GRIA3: variants seen among roughly 807,000 people sequenced by gnomAD.
GRIA3 encodes glutamate receptor 3.
A neutral mutation model predicts 63.0 loss-of-function variants in GRIA3; 3 were observed. The observed-to-expected ratio is 0.05, with a 90% CI of 0.02 to 0.12. The LOEUF is 0.12. Among genes scored for constraint, GRIA3 ranks in the 10% least tolerant of loss-of-function variants. GRIA3 has a pLI of 1.00. For missense variants in GRIA3, 347 were observed against 700.9 expected (o/e 0.50, Z 5.70); for synonymous variants, 274 against 257.9 (o/e 1.06, Z -0.60).
chrX:123,188,699 T>C (rs1057076408), intron 2 of GRIA3, among the ~76,000 whole-genome samples: 2 of 111,880 alleles, frequency 1.8e-5, no homozygotes, highest in African/African-American at 6.5e-5. Flanking sequence ...CTTTCCCTTA[T>C]TCCTATGCAA....
chrX:123,204,556 C>T (rs1418713309), intron 2 of GRIA3: 1 of 1,158,635 alleles, frequency 8.6e-7, no homozygotes. Context: ...TGAACCCAAA[C>T]CCATTTTAGA....
At chrX:123,190,228 C>T (rs1927392238) in intron 2 of GRIA3, among the ~76,000 whole-genome samples, 1 of 110,042 alleles carries the variant, frequency 9.1e-6, no homozygotes, top group African/African-American at 3.3e-5. Context: ...GCTCTGGTTC[C>T]ACTCCCTCCC....
chrX:123,285,576 G>GAAAAA (rs2044613060), intron 3 of GRIA3, among the ~76,000 whole-genome samples: 1 of 7,653 alleles, frequency 1.3e-4, no homozygotes, highest in Non-Finnish European at 2.5e-4. Flanking sequence ...CAAATGAAAA[G>GAAAAA]CAAAAAAAAA....
At chrX:123,322,476 T>G (rs762440623) in intron 3 of GRIA3, among the ~76,000 whole-genome samples, 1 of 111,819 alleles carries the variant, frequency 8.9e-6, no homozygotes, top group East Asian at 2.8e-4. Context: ...AGCAGGCTTA[T>G]TTTTACAAAG....
chrX:123,342,710 G>T (rs1186240507), intron 4 of GRIA3, among the ~76,000 whole-genome samples: 1 of 111,705 alleles, frequency 9.0e-6, no homozygotes, highest in Non-Finnish European at 1.9e-5. Context: ...TGCTGATAGG[G>T]AATCGAAAAT....
At chrX:123,445,799 A>C (rs963353066) in intron 12 of GRIA3, among the ~76,000 whole-genome samples, 2 of 112,451 alleles carry the variant, frequency 1.8e-5, no homozygotes, top group Admixed American at 9.4e-5. Flanking sequence ...CAGATCATTA[A>C]CTACTTGTCA....
intron 2 of GRIA3, among the ~76,000 whole-genome samples, chrX:123,224,136 T>C (rs1054424311): frequency 8.9e-6 from 1 of 112,025 alleles, no homozygotes; most frequent in Non-Finnish European, 1.9e-5. Flanking sequence ...TTTCCTTCTC[T>C]GACTTCTGTG....
At chrX:123,433,287 T>C (rs1228986690) in intron 12 of GRIA3, among the ~76,000 whole-genome samples, 1 of 111,803 alleles carries the variant, frequency 8.9e-6, no homozygotes, top group Non-Finnish European at 1.9e-5. Context: ...TGAAGCACCA[T>C]AATGTTAATG....
chrX:123,355,672 G>A (rs946450115), intron 5 of GRIA3, among the ~76,000 whole-genome samples: 2 of 111,399 alleles, frequency 1.8e-5, no homozygotes, highest in African/African-American at 3.3e-5. Flanking sequence ...TTAAATTATC[G>A]CTATAATACT....
intron 10 of GRIA3, among the ~76,000 whole-genome samples, chrX:123,407,292 T>C (rs1206111033): frequency 2.7e-5 from 3 of 111,604 alleles, no homozygotes; most frequent in East Asian, 2.8e-4. Flanking sequence ...TCTTTCTACA[T>C]GTGAGAAAAT....
At chrX:123,238,119 G>A (rs140339270) in intron 2 of GRIA3, among the ~76,000 whole-genome samples, 1 of 111,803 alleles carries the variant, frequency 8.9e-6, no homozygotes, top group East Asian at 2.8e-4. Context: ...ACAACTGAAC[G>A]GTTTTACAGC....
rs192373195 is a variant in GRIA3, at chrX:123,432,695, C to T, written c.2076+4556C>T. Among the ~76,000 whole-genome samples the T allele has an allele frequency of 4.6e-4, 51 of 112,045 alleles. 1 individual carries two copies. In the East Asian group the frequency reaches 0.014, roughly 30 times the overall value. The stretch of plus-strand genomic sequence containing the variant: ...ATGTTTCAGAGTTTCAGAACAGTAC[C>T]GTTGAAGATACTAGTCACACTGAAG... On this transcript the variant is annotated intron_variant, in intron 12 of 15. Coordinates refer to ENST00000620443, the MANE Select transcript of GRIA3 (RefSeq NM_007325.5).
At chrX:123,299,944 G>T (rs1258330293) in intron 3 of GRIA3, among the ~76,000 whole-genome samples, 2 of 111,248 alleles carry the variant, frequency 1.8e-5, no homozygotes, top group East Asian at 5.6e-4. Flanking sequence ...ATAAACAGAT[G>T]TTGAATTTTA....
chrX:123,266,570 T>G (rs1057315236), intron 3 of GRIA3, among the ~76,000 whole-genome samples: 11 of 111,047 alleles, frequency 9.9e-5, no homozygotes, highest in Admixed American at 2.9e-4. Flanking sequence ...TCCCTGATGT[T>G]ACCCCCTCCA....
At chrX:123,290,433 C>G (rs1249048411) in intron 3 of GRIA3, among the ~76,000 whole-genome samples, 1 of 111,224 alleles carries the variant, frequency 9.0e-6, no homozygotes, top group African/African-American at 3.3e-5. Context: ...TAATGAAGGT[C>G]AGAAAACACT....
Position 123,428,112 on chromosome X carries a change from C to T in GRIA3, c.2049C>T (p.Asp683=), listed in dbSNP as rs754882028. The change falls in exon 12 of 16, where the codon GAC becomes GAT. Residue 683 remains aspartate, a synonymous_variant. Transcript: ENST00000620443. ...KQTEIAYGTL[D]SGSTKEFFRR... ...CTGAAATTGCATATGGGACCCTGGACTCCGGTTCAACAAAAGAATTTTTCA... is the reference window on the plus strand; with the variant it reads ...CTGAAATTGCATATGGGACCCTGGATTCCGGTTCAACAAAAGAATTTTTCA... 2.5e-6 allele frequency: 3 copies of T among 1,200,508 alleles called. No homozygotes were observed. Among genetic ancestry groups the T allele is most frequent in the Non-Finnish European group, 3.4e-6 (3 of 885,664 alleles).
intron 3 of GRIA3, among the ~76,000 whole-genome samples, chrX:123,289,228 A>ATTGTTC (rs2044640759): frequency 9.1e-6 from 1 of 110,124 alleles, no homozygotes; most frequent in African/African-American, 3.3e-5. Flanking sequence ...ATGAGAACAC[A>ATTGTTC]TGGACACAGA....
chrX:123,241,670 G>A (rs1482853735), intron 2 of GRIA3, among the ~76,000 whole-genome samples: 2 of 110,137 alleles, frequency 1.8e-5, no homozygotes, highest in African/African-American at 6.6e-5. Flanking sequence ...TGACAAACTG[G>A]AACACATCCA....
At chrX:123,440,480 A>G (rs1484215704) in intron 12 of GRIA3, among the ~76,000 whole-genome samples, 1 of 112,249 alleles carries the variant, frequency 8.9e-6, no homozygotes, top group Non-Finnish European at 1.9e-5. Context: ...CTTTTTAATA[A>G]CAGTCATTCT....
Sources: allele counts gnomAD v4.1 joint callset (sites outside exome capture counted in the v4.1 genomes callset), GRCh38; gene constraint gnomAD v4.1.1; transcripts MANE v1.5; gene names NCBI Gene and HGNC (gene_info 2026-07-23, HGNC 2026-07-21).